UNC13C: variants seen among roughly 807,000 people sequenced by gnomAD.
The protein encoded by UNC13C is unc-13 homolog C.
In UNC13C, 174 loss-of-function variants were observed where a neutral mutation model predicts 245.4. The ratio of observed to expected loss-of-function variants is 0.71; its 90% CI spans 0.63 to 0.80. The LOEUF (loss-of-function observed/expected upper bound fraction) is 0.80. Ranked by LOEUF, UNC13C falls within the 30% of genes least tolerant of loss-of-function variation. The pLI is 0.00. For synonymous variants in UNC13C, 992 were observed against 895.1 expected, an observed-to-expected ratio of 1.11 and a Z score of -1.93; for missense variants, 2,829 against 2,602.9, an observed-to-expected ratio of 1.09 and a Z score of -1.89.
intron 19 of UNC13C, among the ~76,000 whole-genome samples, chr15:54,436,923 A>C (rs568047200): frequency 6.6e-6 from 1 of 151,998 alleles, no homozygotes; most frequent in Non-Finnish European, 1.5e-5. Flanking sequence ...TTAATGAAAA[A>C]ATTATAAGCA....
intron 2 of UNC13C, among the ~76,000 whole-genome samples, chr15:54,037,582 A>G (rs762801451): frequency 5.3e-5 from 8 of 152,168 alleles, no homozygotes; most frequent in Non-Finnish European, 1.2e-4. Flanking sequence ...ATTTTTTTAA[A>G]TTACGCTAGT....
chr15:53,893,168 A>G, the UNC13C span, among the ~76,000 whole-genome samples: 22 of 152,262 alleles, frequency 1.4e-4, no homozygotes, highest in African/African-American at 5.3e-4. Flanking sequence ...GTTTGCCTGG[A>G]TATCACCAGC....
chr15:54,052,394 C>G (rs1188833438), intron 2 of UNC13C, among the ~76,000 whole-genome samples: 3 of 149,430 alleles, frequency 2.0e-5, no homozygotes, highest in Admixed American at 1.3e-4. Context: ...TAAAAGTGTT[C>G]CTATTTCTCC....
chr15:54,179,548 ATAAT>A (rs2033728395), intron 4 of UNC13C, among the ~76,000 whole-genome samples: 1 of 152,108 alleles, frequency 6.6e-6, no homozygotes, highest in Non-Finnish European at 1.5e-5. Context: ...TACTATAAAT[ATAAT>A]TAGAGATAGT....
chr15:54,605,675 A>G (rs1899731739), intron 30 of UNC13C, among the ~76,000 whole-genome samples: 1 of 152,186 alleles, frequency 6.6e-6, no homozygotes, highest in South Asian at 2.1e-4. Flanking sequence ...AATGCTTGAA[A>G]TGCAGGTGCC....
At chr15:53,967,894 T>C in the UNC13C span, 1 of 152,200 alleles carries the variant, frequency 6.6e-6, no homozygotes, top group Non-Finnish European at 1.5e-5. Flanking sequence ...GTAGATTCTG[T>C]AGTCTTTGTT....
chr15:54,024,928 T>TA (rs1896047199), intron 2 of UNC13C, among the ~76,000 whole-genome samples: 1 of 117,986 alleles, frequency 8.5e-6, no homozygotes, highest in East Asian at 2.8e-4. Flanking sequence ...AAATAAAAAA[T>TA]AAAAAATAAT....
intron 2 of UNC13C, among the ~76,000 whole-genome samples, chr15:54,038,367 A>G (rs1280487307): frequency 1.3e-5 from 2 of 151,548 alleles, no homozygotes; most frequent in Non-Finnish European, 2.9e-5. Context: ...CCTGGCCTCA[A>G]AGTGATCCGC....
At chr15:53,942,626 A>T in the UNC13C span, among the ~76,000 whole-genome samples, 1 of 151,398 alleles carries the variant, frequency 6.6e-6, no homozygotes, top group African/African-American at 2.4e-5. Flanking sequence ...ACTCATTATT[A>T]TGCCTGTTTT....
chr15:54,471,798 T>A (rs567632402), intron 19 of UNC13C, among the ~76,000 whole-genome samples: 22 of 151,836 alleles, frequency 1.4e-4, no homozygotes, highest in Non-Finnish European at 2.5e-4. Context: ...GCTTTTTAAA[T>A]TGATTTTCTA....
intron 4 of UNC13C, among the ~76,000 whole-genome samples, chr15:54,227,066 A>T (rs1055130195): frequency 5.3e-5 from 8 of 152,114 alleles, no homozygotes. Context: ...GTCCAGGAAG[A>T]ATGAGGCACG....
intron 2 of UNC13C, among the ~76,000 whole-genome samples, chr15:54,076,907 T>C (rs1159940058): frequency 6.6e-6 from 1 of 152,242 alleles, no homozygotes; most frequent in Non-Finnish European, 1.5e-5. Flanking sequence ...GAAATTATTA[T>C]AAAAATCCTC....
At chr15:54,449,654 G>A (rs555317305) in intron 19 of UNC13C, among the ~76,000 whole-genome samples, 14 of 152,130 alleles carry the variant, frequency 9.2e-5, no homozygotes, top group Non-Finnish European at 1.9e-4. Context: ...CTCTGCATTG[G>A]TTATTCTAGT....
intron 13 of UNC13C, among the ~76,000 whole-genome samples, chr15:54,315,009 T>C (rs926093191): frequency 6.6e-6 from 1 of 151,370 alleles, no homozygotes; most frequent in African/African-American, 2.4e-5. Context: ...ATGGCAGGAG[T>C]GTCCATTTTC....
intron 13 of UNC13C, chr15:54,320,661 C>T (rs1046694752): frequency 3.1e-6 from 1 of 320,702 alleles, no homozygotes. Flanking sequence ...GTGTTGTAAC[C>T]CATAGCTTCC....
intron 2 of UNC13C, among the ~76,000 whole-genome samples, chr15:54,056,797 C>G (rs1001585277): frequency 1.1e-4 from 16 of 152,060 alleles, no homozygotes; most frequent in African/African-American, 3.1e-4. Flanking sequence ...GAGAGTGGGG[C>G]CCAATATTAA....
At chr15:54,094,825 T>C (rs1168540705) in intron 2 of UNC13C, among the ~76,000 whole-genome samples, 5 of 152,306 alleles carry the variant, frequency 3.3e-5, no homozygotes, top group Middle Eastern at 3.4e-3. Flanking sequence ...GCCATTCTCT[T>C]TGGGGTTGTT....
At chr15:53,898,126 C>A in the UNC13C span, among the ~76,000 whole-genome samples, 2 of 152,126 alleles carry the variant, frequency 1.3e-5, no homozygotes, top group Non-Finnish European at 2.9e-5. Context: ...TACATTACTT[C>A]CTCCTGCTGG....
At chr15:53,858,753 T>C in the UNC13C span, among the ~76,000 whole-genome samples, 562 of 152,256 alleles carry the variant, frequency 3.7e-3, 2 homozygotes, top group Non-Finnish European at 5.8e-3. Context: ...CAAAAACATG[T>C]TTATCTGTGG....
Sources: allele counts gnomAD v4.1 joint callset (sites outside exome capture counted in the v4.1 genomes callset), GRCh38; gene constraint gnomAD v4.1.1; transcripts MANE v1.5; gene names NCBI Gene and HGNC (gene_info 2026-07-23, HGNC 2026-07-21).